The following CHST9 variants were observed in gnomAD, a reference collection of about 807,000 sequenced individuals.
CHST9 encodes the protein GalNAc-4-sulfotransferase 2.
Under a neutral mutation model 44.4 loss-of-function variants are expected in CHST9, and 41 were observed. That is an observed-to-expected ratio of 0.92 (90% CI 0.72 to 1.20). The LOEUF is 1.20. Ranked by LOEUF, CHST9 falls within the 50% of genes most tolerant of loss-of-function variation. The probability of loss-of-function intolerance (pLI) is 0.00; values close to 1 mark genes in which losing one functional copy is unlikely to be tolerated. For missense variants in CHST9, 504 were observed against 516.5 expected (o/e 0.98, Z 0.23); for synonymous variants, 171 against 178.4 (o/e 0.96, Z 0.33).
intron 4 of CHST9, among the ~76,000 whole-genome samples, chr18:27,009,450 TA>T (rs369975041): frequency 6.6e-6 from 1 of 152,000 alleles, no homozygotes; most frequent in Non-Finnish European, 1.5e-5. Context: ...GATCCTTTAC[TA>T]AAAAAAATAA....
intron 3 of CHST9, among the ~76,000 whole-genome samples, chr18:27,035,427 A>G (rs1255949786): frequency 6.6e-6 from 1 of 152,160 alleles, no homozygotes; most frequent in Non-Finnish European, 1.5e-5. Flanking sequence ...TAGCTAGGAT[A>G]TGGAAACAAT....
Position 26,907,065 on chromosome 18 carries a change from A to G in CHST9, c.*9194T>C, listed in dbSNP as rs1200047225. The G allele has an allele frequency of 1.3e-5, 2 of 152,386 alleles. No individual in the cohort carries two copies. The highest frequency in any genetic ancestry group is 4.8e-5 in the African/African-American group (2 of 41,458). The allele number at this position is 152,386 out of a possible 1,614,324, so 9.4% of individuals were successfully genotyped here. On this transcript the variant is annotated 3_prime_UTR_variant, in exon 6 of 6. Transcript: ENST00000618847. ...TTAAAGTGATTACAAGGGCAGCTGTATGGAGGATGGCATTGAGGGAAATGA... is the reference window on the plus strand; with the variant it reads ...TTAAAGTGATTACAAGGGCAGCTGTGTGGAGGATGGCATTGAGGGAAATGA...
At chr18:26,931,555 G>A (rs1439092755) in intron 5 of CHST9, among the ~76,000 whole-genome samples, 1 of 152,220 alleles carries the variant, frequency 6.6e-6, no homozygotes, top group East Asian at 1.9e-4. Context: ...TGTGACTCAT[G>A]ACCATATTTT....
At chr18:27,027,940 C>T (rs1434164272) in intron 3 of CHST9, among the ~76,000 whole-genome samples, 2 of 152,078 alleles carry the variant, frequency 1.3e-5, no homozygotes, top group African/African-American at 4.8e-5. Context: ...TGCTCTGTTG[C>T]CCAAGCAGGA....
intron 1 of CHST9, among the ~76,000 whole-genome samples, chr18:27,170,127 T>G (rs1349697561): frequency 6.6e-6 from 1 of 152,224 alleles, no homozygotes; most frequent in Non-Finnish European, 1.5e-5. Flanking sequence ...GAGGGTATGC[T>G]GAGACAATGC....
At chr18:27,150,500 T>G (rs2058650964) in intron 1 of CHST9, among the ~76,000 whole-genome samples, 1 of 152,230 alleles carries the variant, frequency 6.6e-6, no homozygotes, top group Non-Finnish European at 1.5e-5. Flanking sequence ...GGAGTTAATC[T>G]TCTAGCTGTT....
intron 4 of CHST9, among the ~76,000 whole-genome samples, chr18:26,955,162 G>A (rs940363215): frequency 2.0e-5 from 3 of 151,236 alleles, no homozygotes; most frequent in South Asian, 2.1e-4. Flanking sequence ...TTTCATATTC[G>A]TTCCCAACTG....
At chr18:27,012,318 TTAATGTTA>T (rs567584457) in intron 4 of CHST9, among the ~76,000 whole-genome samples, 133 of 152,294 alleles carry the variant, frequency 8.7e-4, no homozygotes, top group African/African-American at 3.0e-3. Context: ...AACATATATT[TTAATGTTA>T]TATATGTTAT....
intron 2 of CHST9, among the ~76,000 whole-genome samples, chr18:27,127,253 C>T (rs2058432282): frequency 6.6e-6 from 1 of 152,018 alleles, no homozygotes; most frequent in African/African-American, 2.4e-5. Context: ...TGAAGAACAT[C>T]AATATCTAAG....
intron 2 of CHST9, among the ~76,000 whole-genome samples, chr18:27,055,190 T>C (rs568906251): frequency 1.1e-4 from 17 of 152,118 alleles, no homozygotes; most frequent in Non-Finnish European, 2.2e-4. Context: ...GAAGAAGGCA[T>C]AGAATCATGA....
chr18:27,082,766 A>G (rs182679170), intron 2 of CHST9, among the ~76,000 whole-genome samples: 62 of 152,266 alleles, frequency 4.1e-4, no homozygotes, highest in Admixed American at 4.0e-3. Context: ...AGGTGACAGT[A>G]TAAGAGGAAC....
intron 2 of CHST9, among the ~76,000 whole-genome samples, chr18:27,142,357 T>C (rs1430245541): frequency 6.6e-6 from 1 of 152,208 alleles, no homozygotes; most frequent in Non-Finnish European, 1.5e-5. Context: ...CTTTTAGGCT[T>C]ATGCCTGATG....
intron 4 of CHST9, among the ~76,000 whole-genome samples, chr18:27,021,073 G>T (rs531955705): frequency 6.6e-6 from 1 of 152,236 alleles, no homozygotes; most frequent in East Asian, 1.9e-4. Context: ...TTCAGAGGAG[G>T]TGGACAGCTT....
At chr18:26,946,648 T>G (rs1173698950) in intron 4 of CHST9, among the ~76,000 whole-genome samples, 1 of 152,236 alleles carries the variant, frequency 6.6e-6, no homozygotes, top group Non-Finnish European at 1.5e-5. Context: ...TTTTATGGTT[T>G]TAGGTCTTAC....
intron 4 of CHST9, among the ~76,000 whole-genome samples, chr18:26,962,930 A>T (rs2056418979): frequency 6.6e-6 from 1 of 152,216 alleles, no homozygotes; most frequent in Admixed American, 6.5e-5. Flanking sequence ...GTGAGATGGG[A>T]TGAAGCCAGA....
At chr18:27,088,209 T>A (rs532130676) in intron 2 of CHST9, among the ~76,000 whole-genome samples, 1 of 152,228 alleles carries the variant, frequency 6.6e-6, no homozygotes, top group African/African-American at 2.4e-5. Flanking sequence ...GAGAACAATG[T>A]TAGCAATTAA....
chr18:27,170,059 A>T (rs1413452476), intron 1 of CHST9, among the ~76,000 whole-genome samples: 1 of 152,206 alleles, frequency 6.6e-6, no homozygotes, highest in East Asian at 1.9e-4. Flanking sequence ...GAGAATCCTT[A>T]ACACCAAAAT....
At chr18:27,058,085 A>C (rs2057678868) in intron 2 of CHST9, among the ~76,000 whole-genome samples, 1 of 152,224 alleles carries the variant, frequency 6.6e-6, no homozygotes, top group Non-Finnish European at 1.5e-5. Flanking sequence ...TAGAGGTTGA[A>C]GTCAGACTGG....
chr18:26,988,789 C>G (rs2056783278), intron 4 of CHST9, among the ~76,000 whole-genome samples: 1 of 152,042 alleles, frequency 6.6e-6, no homozygotes, highest in Non-Finnish European at 1.5e-5. Context: ...AAGTCTGGTC[C>G]ATAAAACAAC....
Sources: gnomAD v4.1 joint callset for allele counts (sites outside exome capture counted in the v4.1 genomes callset) on GRCh38, gnomAD v4.1.1 for gene constraint, MANE v1.5 for transcripts, NCBI Gene and HGNC (gene_info 2026-07-23, HGNC 2026-07-21) for gene names.